MCTP1: variants seen among roughly 807,000 people sequenced by gnomAD.
The protein encoded by MCTP1 is multiple C2 and transmembrane domain containing 1, also known as multiple C2 and transmembrane domain-containing protein 1.
In MCTP1, 69 loss-of-function variants were observed where a neutral mutation model predicts 120.6. That is an observed-to-expected ratio of 0.57 (90% CI 0.47 to 0.70). The LOEUF (loss-of-function observed/expected upper bound fraction) is 0.70, where lower values mean the gene tolerates loss of function less well. Among genes scored for constraint, MCTP1 ranks in the 30% least tolerant of loss-of-function variants. MCTP1 has a pLI of 0.00. For synonymous variants in MCTP1, 529 were observed against 493.1 expected (o/e 1.07, Z -0.96); for missense variants, 1,203 against 1,248.8 (o/e 0.96, Z 0.55).
At chr5:94,728,175 G>A (rs1762473901) in intron 19 of MCTP1, among the ~76,000 whole-genome samples, 1 of 152,182 alleles carries the variant, frequency 6.6e-6, no homozygotes, top group Non-Finnish European at 1.5e-5. Flanking sequence ...GTTACTTAGT[G>A]GTGTGGATCA....
chr5:95,148,028 C>T (rs34126836), intron 1 of MCTP1, among the ~76,000 whole-genome samples: 59,126 of 152,000 alleles, frequency 0.39, 13,544 homozygotes, highest in Non-Finnish European at 0.52. Flanking sequence ...AATAGGTCCC[C>T]TATCTCTTCT....
rs182115877 is a variant in MCTP1, at chr5:94,768,914, T to C, written c.2610+10196A>G. Among the ~76,000 whole-genome samples, 17 of 152,268 alleles carry C rather than the reference T, an allele frequency of 1.1e-4. No individual in the cohort carries two copies. In the East Asian group the frequency reaches 3.1e-3, roughly 28 times the overall value. On this transcript the variant is annotated intron_variant, in intron 19 of 22. Transcript: ENST00000515393. Reference sequence around the variant, plus strand: ...AGCCAAAGGAAAGGAAATCAGTATATTAAAGGGATTTCTGAATCCCCATAT... The same window carrying C: ...AGCCAAAGGAAAGGAAATCAGTATACTAAAGGGATTTCTGAATCCCCATAT...
chr5:95,180,961 A>T (rs1457043255), intron 1 of MCTP1, among the ~76,000 whole-genome samples: 1 of 152,096 alleles, frequency 6.6e-6, no homozygotes, highest in Non-Finnish European at 1.5e-5. Flanking sequence ...GGTCTTCAGG[A>T]TATACCCTGA....
intron 1 of MCTP1, among the ~76,000 whole-genome samples, chr5:95,139,529 A>G (rs1380832906): frequency 6.6e-6 from 1 of 152,182 alleles, no homozygotes; most frequent in Non-Finnish European, 1.5e-5. Context: ...TTTTTTCCAA[A>G]GCTATTTTAG....
At chr5:94,841,808 T>C (rs1022033625) in intron 17 of MCTP1, among the ~76,000 whole-genome samples, 2 of 152,130 alleles carry the variant, frequency 1.3e-5, no homozygotes, top group Non-Finnish European at 2.9e-5. Flanking sequence ...GAAACAGAAA[T>C]GAGCTGGGCA....
chr5:95,207,913 A>G (rs1751806790), intron 1 of MCTP1, among the ~76,000 whole-genome samples: 1 of 146,472 alleles, frequency 6.8e-6, no homozygotes, highest in African/African-American at 2.5e-5. Flanking sequence ...CAAAATGAAA[A>G]AAAGAATGAG....
chr5:94,953,135 A>G, intron 3 of MCTP1, 84 bp downstream of exon 3: 1 of 1,289,506 alleles, frequency 7.8e-7, no homozygotes, highest in Admixed American at 2.5e-5. Context: ...GAAAACTCTC[A>G]TCAGACAAAG....
rs558789130 is a variant in MCTP1, at chr5:94,782,730, C to T, written c.2557-3567G>A. On this transcript the variant is annotated intron_variant, in intron 18 of 22. Coordinates refer to ENST00000515393, the MANE Select transcript of MCTP1 (RefSeq NM_024717.7). ...AAATAAAACCAAATAAGCACTACAT[C>T]GTTTTGTTTTCAAGTATACAAAGTC... Among the ~76,000 whole-genome samples, 12 of 152,146 alleles carry T rather than the reference C, an allele frequency of 7.9e-5. No individual in the cohort carries two copies. The South Asian group carries it at 1.2e-3, about 16-fold the overall frequency.
intron 13 of MCTP1, among the ~76,000 whole-genome samples, chr5:94,872,114 T>A (rs574031887): frequency 6.6e-6 from 1 of 152,236 alleles, no homozygotes; most frequent in East Asian, 1.9e-4. Context: ...TTGACAGCAT[T>A]TATTCTTTGA....
intron 19 of MCTP1, among the ~76,000 whole-genome samples, chr5:94,770,455 A>G: frequency 6.6e-6 from 1 of 152,248 alleles, no homozygotes; most frequent in East Asian, 1.9e-4. Flanking sequence ...AGGCAAAGAA[A>G]ATCCAACTAT....
chr5:95,265,854 G>A (rs751433700), intron 1 of MCTP1, among the ~76,000 whole-genome samples: 2 of 152,104 alleles, frequency 1.3e-5, no homozygotes, highest in East Asian at 1.9e-4. Flanking sequence ...GTGTGTAGGC[G>A]GCAGTCAGCA....
chr5:94,852,191 T>C (rs1296367532), intron 17 of MCTP1, among the ~76,000 whole-genome samples: 1 of 151,982 alleles, frequency 6.6e-6, no homozygotes, highest in Admixed American at 6.6e-5. Context: ...AATACTTTTG[T>C]TCCCATATAG....
chr5:95,274,991 C>A (rs1759712023), intron 1 of MCTP1, among the ~76,000 whole-genome samples: 1 of 152,302 alleles, frequency 6.6e-6, no homozygotes, highest in South Asian at 2.1e-4. Flanking sequence ...TGCAGCCTCA[C>A]CTTCATCTCA....
intron 2 of MCTP1, among the ~76,000 whole-genome samples, chr5:94,969,473 A>C (rs961799285): frequency 1.3e-5 from 2 of 152,184 alleles, no homozygotes; most frequent in African/African-American, 4.8e-5. Context: ...GTCTCATTCC[A>C]AACCTAGCAC....
intron 1 of MCTP1, among the ~76,000 whole-genome samples, chr5:95,056,561 T>G (rs556823486): frequency 9.2e-5 from 14 of 152,282 alleles, no homozygotes; most frequent in African/African-American, 3.4e-4. Context: ...TAGATGTAAT[T>G]TTCACCTTAT....
At chr5:95,139,843 A>C (rs1268682791) in intron 1 of MCTP1, among the ~76,000 whole-genome samples, 1 of 152,248 alleles carries the variant, frequency 6.6e-6, no homozygotes, top group Non-Finnish European at 1.5e-5. Context: ...GGGCTTAATA[A>C]ATGGTTGAAT....
intron 1 of MCTP1, among the ~76,000 whole-genome samples, chr5:95,091,706 G>A (rs759889121): frequency 5.9e-5 from 9 of 152,298 alleles, no homozygotes; most frequent in Middle Eastern, 3.4e-3. Flanking sequence ...TGACTGCAAC[G>A]ACATGAAGGA....
At chr5:94,812,527 A>G (rs188401728) in intron 17 of MCTP1, among the ~76,000 whole-genome samples, 4 of 152,090 alleles carry the variant, frequency 2.6e-5, no homozygotes, top group African/African-American at 9.6e-5. Flanking sequence ...TGTCTTCTGA[A>G]CTTTTCCAAA....
chr5:95,186,332 A>G (rs1749213038), intron 1 of MCTP1, among the ~76,000 whole-genome samples: 1 of 151,976 alleles, frequency 6.6e-6, no homozygotes, highest in Admixed American at 6.5e-5. Flanking sequence ...GTTGCAAGAT[A>G]GAAGATCAAT....
Sources: allele counts gnomAD v4.1 joint callset (sites outside exome capture counted in the v4.1 genomes callset), GRCh38; gene constraint gnomAD v4.1.1; transcripts MANE v1.5; gene names NCBI Gene and HGNC (gene_info 2026-07-23, HGNC 2026-07-21).